Variants in MYOCD observed in about 807,000 individuals in gnomAD.
MYOCD encodes myocardin.
MYOCD carries 32 observed loss-of-function variants against 96.1 expected under a neutral mutation model. That is an observed-to-expected ratio of 0.33 (90% confidence interval 0.25 to 0.45). The LOEUF (loss-of-function observed/expected upper bound fraction) is 0.45, where lower values mean the gene tolerates loss of function less well. Ranked by LOEUF, MYOCD falls within the 20% of genes least tolerant of loss-of-function variation. The pLI, the probability that MYOCD is intolerant of heterozygous loss-of-function variation, is 1.00. For missense variants in MYOCD, 1,133 were observed against 1,200.6 expected (o/e 0.94, Z 0.83); for synonymous variants, 469 against 469.0 (o/e 1.00, Z 0.00).
intron 4 of MYOCD, among the ~76,000 whole-genome samples, chr17:12,721,021 TAAAAAAA>T (rs760458241): frequency 2.1e-4 from 23 of 107,554 alleles, no homozygotes; most frequent in African/African-American, 7.7e-4. Flanking sequence ...GACTCTGTCT[TAAAAAAA>T]AAAAAAAAAA....
intron 2 of MYOCD, chr17:12,710,580 A>G: frequency 1.1e-6 from 1 of 894,102 alleles, no homozygotes; most frequent in Non-Finnish European, 1.3e-6. Context: ...TAGCAAGAAG[A>G]ATGACCGGGG....
At chr17:12,709,834 T>A (rs1414638074) in intron 2 of MYOCD, among the ~76,000 whole-genome samples, 1 of 152,216 alleles carries the variant, frequency 6.6e-6, no homozygotes, top group Non-Finnish European at 1.5e-5. Flanking sequence ...TCATTTCTTA[T>A]GCAAATTTTC....
At position 12,768,452 on chromosome 17, in the gene MYOCD, C is replaced by G. The variant is rs1047771991; in HGVS notation, c.*4808C>G. The G allele has an allele frequency of 2.6e-5, 4 of 152,146 alleles. No individual in the cohort carries two copies. The highest frequency in any genetic ancestry group is 9.7e-5 in the African/African-American group (4 of 41,426). 9.4% of individuals were successfully genotyped at this position (152,146 alleles called of 1,614,324 possible). A position where few individuals can be genotyped will look rare whatever the true frequency, so the allele number is the denominator to read the frequency against. ...ATTTTCCCTGTGGATTAAGACAAAC[C>G]AACGCCAGAAGGTCTCCTGTGCTTA... On this transcript the variant is annotated 3_prime_UTR_variant, in exon 14 of 14. Transcript: ENST00000425538.
At position 12,752,495 on chromosome 17, in the gene MYOCD, C is replaced by A; in HGVS notation, c.1207C>A (p.Pro403Thr). ...AACGGCTCTCATGGACCGGCTTCGA[C>A]CCTTCCAGGACTGCTCTGGCAACCC... is the stretch of plus-strand genomic sequence containing the variant. ...TKTALMDRLR[P>T]FQDCSGNPVP... Residue 403 changes from proline (P) to threonine (T), a missense_variant, in exon 10 of 14, where the codon CCC becomes ACC. Pro to Thr is a conservative substitution (Grantham distance 38, BLOSUM62 -1). Transcript: ENST00000425538. 1.9e-6 allele frequency: 3 copies of A among 1,614,210 alleles called. No homozygotes were observed. Among genetic ancestry groups the A allele is most frequent in the East Asian group, 2.2e-5 (1 of 44,876 alleles).
chr17:12,735,341 A>AACATAAGGGAC (rs144837919), intron 5 of MYOCD, among the ~76,000 whole-genome samples: 1 of 151,448 alleles, frequency 6.6e-6, no homozygotes, highest in Admixed American at 6.6e-5. Flanking sequence ...GGCAAATAAA[A>AACATAAGGGAC]ATGTAAGGAT....
intron 12 of MYOCD, 167 bp downstream of exon 12, chr17:12,758,380 G>T: frequency 9.6e-7 from 1 of 1,046,802 alleles, no homozygotes; most frequent in Non-Finnish European, 1.4e-6. Context: ...AAACAGTGTT[G>T]CATGTGTAGC....
At chr17:12,671,599 T>C (rs986907264) in intron 1 of MYOCD, among the ~76,000 whole-genome samples, 3 of 152,224 alleles carry the variant, frequency 2.0e-5, no homozygotes, top group African/African-American at 7.2e-5. Context: ...CAATTCTGTG[T>C]ACCCAGGATA....
intron 1 of MYOCD, among the ~76,000 whole-genome samples, chr17:12,668,272 T>G (rs989473794): frequency 5.3e-5 from 8 of 151,386 alleles, no homozygotes; most frequent in Admixed American, 4.6e-4. Context: ...CCTCCTTCTC[T>G]TTCAAAAGCA....
rs779645442 is a variant in MYOCD, at chr17:12,752,449, C to T, written c.1161C>T (p.Gly387=). 4 of 1,613,518 alleles carry T rather than the reference C, an allele frequency of 2.5e-6. No individual in the cohort carries two copies. The East Asian group carries it at 8.9e-5, about 36-fold the overall frequency. The change falls in exon 10 of 14, where the codon GGC becomes GGT. Residue 387 remains glycine, a synonymous_variant. Transcript: ENST00000425538. ...SELRQQLRIR[G]LPVSGTKTAL... is the part of the protein sequence containing the mutation. ...TAAGACAACAGCTTCGAATTCGGGG[C>T]TTGCCTGTGTCAGGCACCAAAACGG...
chr17:12,742,792 G>A lies in MYOCD; in HGVS notation c.718-1391G>A, dbSNP rs575534855. Among the ~76,000 whole-genome samples the A allele has an allele frequency of 5.9e-5, 9 of 151,982 alleles. No homozygotes were observed. In the South Asian group the frequency reaches 1.5e-3, roughly 25 times the overall value. On this transcript the variant is annotated intron_variant, in intron 7 of 13. Transcript: ENST00000425538. ...TCACCATGTTGGCCAGGCTGGTCTC[G>A]AACTCCTGACCTCAAGTGATGCGCC...
rs11307445 is a variant in MYOCD, at chr17:12,756,695, CAAAAAAAAAA to C, written c.2202+148_2202+157del. On this transcript the variant is annotated intron_variant, in intron 11 of 13. Transcript: ENST00000425538. ...CAGGTGACAGAGCGAGACTGCATCTCAAAAAAAAAAAAAAAAAAAGAATAAAATAAAAAAA... is the reference window on the plus strand; with the variant it reads ...CAGGTGACAGAGCGAGACTGCATCTCAAAAAAAAAGAATAAAATAAAAAAA... 10 of 142,206 alleles carry C rather than the reference CAAAAAAAAAA, an allele frequency of 7.0e-5. 3 individuals are homozygous for C. The highest frequency in any genetic ancestry group is 2.4e-5 in the Non-Finnish European group (2 of 82,864). 8.8% of individuals were successfully genotyped at this position (142,206 alleles called of 1,614,324 possible).
chr17:12,743,486 CTTTT>C (rs373893604), intron 7 of MYOCD, among the ~76,000 whole-genome samples: 30,066 of 97,324 alleles, frequency 0.31, 2,217 homozygotes, highest in East Asian at 0.46. Flanking sequence ...TATGAAAGTT[CTTTT>C]TTTTTTTTTT....
At chr17:12,747,292 C>T (rs763595564) in intron 9 of MYOCD, among the ~76,000 whole-genome samples, 6 of 152,036 alleles carry the variant, frequency 3.9e-5, no homozygotes, top group South Asian at 2.1e-4. Context: ...CAGGAGAGAA[C>T]GTGGCTGGAC....
intron 4 of MYOCD, 103 bp from the exon 5 acceptor site, chr17:12,722,744 C>T (rs2031877538): frequency 1.1e-6 from 1 of 909,778 alleles, no homozygotes; most frequent in East Asian, 2.5e-5. Flanking sequence ...GATGGTAGAG[C>T]ACAATGTGAC....
chr17:12,684,768 C>T (rs1336511855), intron 1 of MYOCD, among the ~76,000 whole-genome samples: 1 of 150,604 alleles, frequency 6.6e-6, no homozygotes, highest in East Asian at 2.0e-4. Context: ...ATCGCTTGAA[C>T]CTGGGAGGTG....
intron 13 of MYOCD, chr17:12,761,874 A>G (rs963476746): frequency 6.6e-6 from 1 of 152,138 alleles, no homozygotes; most frequent in African/African-American, 2.4e-5. Context: ...CTGCCCACCT[A>G]GGCCTCCCAA....
chr17:12,685,470 G>T (rs537057813), intron 1 of MYOCD, among the ~76,000 whole-genome samples: 20 of 152,096 alleles, frequency 1.3e-4, no homozygotes, highest in Admixed American at 1.3e-3. Flanking sequence ...GCCGGGTGTG[G>T]TGGTGCATGC....
rs118093912 is a variant in MYOCD, at chr17:12,749,288, G to A, written c.1126-3126G>A. 0.019 allele frequency among the ~76,000 whole-genome samples: 2,864 copies of A among 152,156 alleles called. 135 individuals carry two copies. In the East Asian group the frequency reaches 0.19, roughly 10 times the overall value. ...TCACGCCTGTAATCCTAGCGTTTGGGAGGCCAAGGTGGGCGGATCGCTTGA... is the reference window on the plus strand; with the variant it reads ...TCACGCCTGTAATCCTAGCGTTTGGAAGGCCAAGGTGGGCGGATCGCTTGA... On this transcript the variant is annotated intron_variant, in intron 9 of 13. Coordinates refer to ENST00000425538, the MANE Select transcript of MYOCD (RefSeq NM_001146312.3).
In MYOCD at chr17:12,756,331, G is replaced by A. The variant is rs1291483434; in HGVS notation, c.2059-83G>A. 9 of 1,464,446 alleles carry A rather than the reference G, an allele frequency of 6.1e-6. No homozygotes were observed. The Admixed American group carries it at 1.2e-4, about 19-fold the overall frequency. 90.7% of individuals were successfully genotyped at this position (1,464,446 alleles called of 1,614,324 possible). On this transcript the variant is annotated intron_variant, in intron 10 of 13. Transcript: ENST00000425538. ...TGTAAAAATGACACCAGGGGACACA[G>A]GGCAGGAACCAGAATTGTCAGCAAA...
Sources: allele counts gnomAD v4.1 joint callset (sites outside exome capture counted in the v4.1 genomes callset), GRCh38; gene constraint gnomAD v4.1.1; transcripts MANE v1.5; gene names NCBI Gene and HGNC (gene_info 2026-07-23, HGNC 2026-07-21).